RC3H1: variants seen among roughly 807,000 people sequenced by gnomAD.
RC3H1 encodes the protein roquin-1.
A neutral mutation model predicts 138.2 loss-of-function variants in RC3H1; 50 were observed. The ratio of observed to expected loss-of-function variants is 0.36; its 90% confidence interval spans 0.29 to 0.46. The LOEUF (loss-of-function observed/expected upper bound fraction) is 0.46, where lower values mean the gene tolerates loss of function less well. Among genes scored for constraint, RC3H1 ranks in the 20% least tolerant of loss-of-function variants. RC3H1 has a pLI of 1.00. For missense variants in RC3H1, 1,031 were observed against 1,388.1 expected, an observed-to-expected ratio of 0.74 and a Z score of 4.09; for synonymous variants, 462 against 489.1, an observed-to-expected ratio of 0.94 and a Z score of 0.73.
chr1:173,995,609 G>A (rs1661441447), intron 1 of RC3H1, among the ~76,000 whole-genome samples: 1 of 151,954 alleles, frequency 6.6e-6, no homozygotes, highest in Admixed American at 6.6e-5. Flanking sequence ...CTTATATGAT[G>A]GTATTTGGTT....
chr1:173,988,003 C>T (rs1661100465), intron 2 of RC3H1, among the ~76,000 whole-genome samples: 1 of 152,190 alleles, frequency 6.6e-6, no homozygotes, highest in South Asian at 2.1e-4. Flanking sequence ...TGGGAAAAGA[C>T]TAGAGTACAC....
intron 13 of RC3H1, among the ~76,000 whole-genome samples, chr1:173,959,885 C>A (rs961705863): frequency 4.6e-5 from 7 of 151,952 alleles, no homozygotes; most frequent in Non-Finnish European, 1.0e-4. Context: ...GTGGGAGGAT[C>A]ACCTGAGGTT....
chr1:173,957,198 T>C (rs1428401320), intron 13 of RC3H1, among the ~76,000 whole-genome samples: 1 of 152,200 alleles, frequency 6.6e-6, no homozygotes, highest in Non-Finnish European at 1.5e-5. Context: ...TTATAATTTT[T>C]ATTAGGAGTA....
At chr1:173,955,291 A>T (rs1317335474) in intron 13 of RC3H1, among the ~76,000 whole-genome samples, 7 of 139,082 alleles carry the variant, frequency 5.0e-5, no homozygotes, top group East Asian at 2.1e-4. Flanking sequence ...AACAACAACA[A>T]CATCACGTTT....
intron 1 of RC3H1, among the ~76,000 whole-genome samples, chr1:174,002,541 A>C (rs1661582003): frequency 6.6e-6 from 1 of 152,204 alleles, no homozygotes; most frequent in South Asian, 2.1e-4. Flanking sequence ...CAGGAGCTGA[A>C]AGAAATTTGT....
chr1:173,954,727 T>C (rs1304619362), intron 13 of RC3H1, among the ~76,000 whole-genome samples: 2 of 152,184 alleles, frequency 1.3e-5, no homozygotes, highest in Middle Eastern at 3.4e-3. Flanking sequence ...GGACGGGGCA[T>C]GGTGGGTGGA....
rs754535840 is a variant in RC3H1 at position 173,943,512 on chromosome 1, C to A, written c.3065G>T (p.Ser1022Ile). Residue 1022 changes from serine to isoleucine, a missense_variant, in exon 18 of 20, where the codon AGT becomes ATT. Around this residue, in one of 7 missense-constraint regions of RC3H1, gnomAD observed 716 missense variants for 837.9 expected, o/e 0.85. Coordinates refer to ENST00000367696, the MANE Select transcript of RC3H1 (RefSeq NM_172071.4). ...PPPKWPGMIS[S>I]EQLSLELHQV... ...GTGCAGTTCCAAGCTCAACTGCTCA[C>A]TTGAGATCATCCCAGGCCATTTTGG... is the stretch of plus-strand genomic sequence containing the variant. 2.5e-6 allele frequency: 4 copies of A among 1,614,058 alleles called. No homozygotes were observed. The East Asian group carries it at 6.7e-5, about 27-fold the overall frequency.
At chr1:174,004,549 T>C (rs2103075472) in intron 1 of RC3H1, among the ~76,000 whole-genome samples, 1 of 151,662 alleles carries the variant, frequency 6.6e-6, no homozygotes, top group South Asian at 2.1e-4. Context: ...CTCATGCCTA[T>C]AATCCAGGCA....
Position 173,964,039 on chromosome 1 carries a change from T to A in RC3H1, c.1765A>T (p.Thr589Ser), listed in dbSNP as rs1057497267. 5 of 1,614,012 alleles carry A rather than the reference T, an allele frequency of 3.1e-6. No individual in the cohort carries two copies. In the African/African-American group the frequency reaches 5.3e-5, roughly 17 times the overall value. ...CGAGGATCCTGATAATAAACATCCG[T>A]CTGTTGTGCTGGATATAACTGAGAA... ...RGSQLYPAQQ[T>S]DVYYQDPRGA... is the part of the protein sequence containing the mutation. Residue 589 changes from threonine (T) to serine (S), a missense_variant, in exon 11 of 20, where the codon ACG (threonine) becomes TCG (serine). This residue lies in a region of RC3H1 where 716 missense variants were observed against 837.9 expected (regional missense o/e 0.85). Coordinates refer to ENST00000367696, the MANE Select transcript of RC3H1 (RefSeq NM_172071.4).
At chr1:173,956,130 C>CAA (rs552947734) in intron 13 of RC3H1, among the ~76,000 whole-genome samples, 1,340 of 86,230 alleles carry the variant, frequency 0.016, 38 homozygotes, top group African/African-American at 0.044. Flanking sequence ...GAGTCTGTCT[C>CAA]AAAAAAAAAA....
At chr1:174,001,609 G>A (rs749673337) in intron 1 of RC3H1, among the ~76,000 whole-genome samples, 67 of 151,966 alleles carry the variant, frequency 4.4e-4, no homozygotes, top group Non-Finnish European at 8.7e-4. Context: ...GCTAATTTTT[G>A]CATTTTTAGT....
Position 173,936,749 on chromosome 1 carries a change from ATATATATATATATTTTTTT to A in RC3H1, c.*1953_*1971del, listed in dbSNP as rs1658608066. The A allele has an allele frequency of 9.0e-4, 50 of 55,766 alleles. No individual in the cohort carries two copies. Among genetic ancestry groups the A allele is most frequent in the Middle Eastern group, 0.011 (1 of 88 alleles). 3.5% of individuals were successfully genotyped at this position (55,766 alleles called of 1,614,324 possible). ...AGCATACATATATATATATATATAT[ATATATATATATATTTTTTT>A]TTTTTTTTTTAAAAAAAGAAGACAA... On this transcript the variant is annotated 3_prime_UTR_variant, in exon 20 of 20. Transcript: ENST00000367696.
At position 173,933,734 on chromosome 1, in the gene RC3H1, G is replaced by A. The variant is rs1658474236; in HGVS notation, c.*4987C>T. 1 of 152,188 alleles carries A rather than the reference G, an allele frequency of 6.6e-6. No homozygotes were observed. The highest frequency in any genetic ancestry group is 2.1e-4 in the South Asian group (1 of 4,832). 9.4% of individuals were successfully genotyped at this position (152,188 alleles called of 1,614,324 possible). A position where few individuals can be genotyped will look rare whatever the true frequency, so the allele number is the denominator to read the frequency against. On this transcript the variant is annotated 3_prime_UTR_variant, in exon 20 of 20. Coordinates refer to ENST00000367696, the MANE Select transcript of RC3H1 (RefSeq NM_172071.4). The stretch of plus-strand genomic sequence containing the variant: ...ATAGCTGTCCAAGGTAGAAAGGTAT[G>A]AATGTGGATCAGCAAAATGGGCACT...
intron 13 of RC3H1, among the ~76,000 whole-genome samples, chr1:173,960,008 T>TG (rs952909186): frequency 1.4e-5 from 2 of 140,022 alleles, no homozygotes; most frequent in Non-Finnish European, 3.0e-5. Context: ...CTCAGGAGGC[T>TG]GGGGCAGGAG....
chr1:173,973,790 T>A (rs914085638), intron 7 of RC3H1, among the ~76,000 whole-genome samples: 4 of 152,024 alleles, frequency 2.6e-5, no homozygotes, highest in Non-Finnish European at 5.9e-5. Context: ...GAAGGACACA[T>A]GGAATCTGAA....
chr1:173,946,707 T>TTTCTACATG, intron 16 of RC3H1, 39 bp downstream of exon 16: 3 of 1,599,456 alleles, frequency 1.9e-6, no homozygotes, highest in Non-Finnish European at 2.6e-6. Flanking sequence ...ATTTTAAAGG[T>TTTCTACATG]TTCTACATGT....
At chr1:173,980,279 G>A (rs913920923) in intron 6 of RC3H1, among the ~76,000 whole-genome samples, 2 of 149,798 alleles carry the variant, frequency 1.3e-5, no homozygotes, top group Non-Finnish European at 3.0e-5. Context: ...AAAAAAAGGT[G>A]GGGGGGAATA....
chr1:173,966,714 C>CA (rs1660135056), intron 9 of RC3H1, among the ~76,000 whole-genome samples: 1 of 144,946 alleles, frequency 6.9e-6, no homozygotes, highest in South Asian at 2.2e-4. Flanking sequence ...GACCCTGTCT[C>CA]AAAAAACAAA....
chr1:173,952,981 C>G (rs938569418), intron 13 of RC3H1, among the ~76,000 whole-genome samples: 1 of 152,066 alleles, frequency 6.6e-6, no homozygotes, highest in African/African-American at 2.4e-5. Context: ...ACACTGATAT[C>G]TAGGGGTATC....
Sources: gnomAD v4.1 joint callset for allele counts (sites outside exome capture counted in the v4.1 genomes callset) on GRCh38, gnomAD v4.1.1 for gene constraint, gnomAD v4.1.1 regional missense constraint, MANE v1.5 for transcripts, NCBI Gene and HGNC (gene_info 2026-07-23, HGNC 2026-07-21) for gene names.